The following BIRC6 variants were observed in gnomAD, a reference collection of about 807,000 sequenced individuals.
The protein encoded by BIRC6 is dual E2 ubiquitin-conjugating enzyme/E3 ubiquitin-protein ligase BIRC6.
BIRC6 carries 98 observed loss-of-function variants against 503.3 expected under a neutral mutation model. That is an observed-to-expected ratio of 0.19 (90% CI 0.17 to 0.23). BIRC6 has a LOEUF of 0.23. Ranked by LOEUF, BIRC6 falls within the 10% of genes least tolerant of loss-of-function variation. The probability of loss-of-function intolerance (pLI) is 1.00; values close to 1 mark genes in which losing one functional copy is unlikely to be tolerated. For synonymous variants in BIRC6, 2,240 were observed against 2,078.7 expected, an observed-to-expected ratio of 1.08 and a Z score of -2.11; for missense variants, 5,360 against 5,806.0, an observed-to-expected ratio of 0.92 and a Z score of 2.50.
chr2:32,492,714 TA>T (rs1457476716), intron 44 of BIRC6, among the ~76,000 whole-genome samples: 2 of 152,154 alleles, frequency 1.3e-5, no homozygotes, highest in South Asian at 2.1e-4. Flanking sequence ...TAAAACTTTT[TA>T]AGTTACTGAA....
intron 11 of BIRC6, 38 bp from the exon 12 acceptor site, chr2:32,430,827 C>G: frequency 5.5e-4 from 147 of 266,750 alleles, no homozygotes; most frequent in Non-Finnish European, 7.5e-4. Context: ...TTTTTTTTTT[C>G]CACACCTATT....
chr2:32,426,697 CATTT>C (rs899328385), intron 10 of BIRC6, among the ~76,000 whole-genome samples: 3 of 152,176 alleles, frequency 2.0e-5, no homozygotes, highest in African/African-American at 7.2e-5. Context: ...ATGAGAAAAA[CATTT>C]ATTTATTATA....
chr2:32,515,649 T>G lies in BIRC6; in HGVS notation c.11228T>G (p.Leu3743Arg). The change falls in exon 55 of 74, where the codon CTT (leucine) becomes CGT (arginine). Residue 3743 changes from leucine (L) to arginine (R), a missense_variant. Leu to Arg is a moderately radical substitution (Grantham distance 102). Around this residue, in one of 16 missense-constraint regions of BIRC6, gnomAD observed 878 missense variants for 928.9 expected, o/e 0.95. Coordinates refer to ENST00000421745, the MANE Select transcript of BIRC6 (RefSeq NM_016252.4). ...AQQTSARSAS[L>R]SSAATTGLTT... Reference sequence around the variant, plus strand: ...CAGACCAGTGCAAGATCAGCTTCTCTTTCTTCAGCTGCTACAACAGGACTG... The same window carrying G: ...CAGACCAGTGCAAGATCAGCTTCTCGTTCTTCAGCTGCTACAACAGGACTG... 6.2e-7 allele frequency: 1 copy of G among 1,611,146 alleles called. No homozygotes were observed. Among genetic ancestry groups the G allele is most frequent in the Non-Finnish European group, 8.5e-7 (1 of 1,179,856 alleles).
intron 1 of BIRC6, among the ~76,000 whole-genome samples, chr2:32,362,046 T>C (rs2034176318): frequency 6.6e-6 from 1 of 152,202 alleles, no homozygotes; most frequent in South Asian, 2.1e-4. Context: ...TTTGGGTAAA[T>C]ACTAAGGAGC....
intron 65 of BIRC6, among the ~76,000 whole-genome samples, chr2:32,555,914 C>CAAAA (rs372061622): frequency 2.3e-5 from 2 of 86,066 alleles, no homozygotes; most frequent in Admixed American, 1.2e-4. Context: ...GACCCTATCT[C>CAAAA]AAAAAAAAAA....
Position 32,547,794 on chromosome 2 carries a change from T to C in BIRC6, c.12811-56T>C, listed in dbSNP as rs573729562. 1.2e-4 allele frequency: 169 copies of C among 1,378,296 alleles called. 3 individuals are homozygous for C. In the South Asian group the frequency reaches 2.5e-3, roughly 20 times the overall value. 85.4% of individuals were successfully genotyped at this position (1,378,296 alleles called of 1,614,324 possible). A position where few individuals can be genotyped will look rare whatever the true frequency, so the allele number is the denominator to read the frequency against. On this transcript the variant is annotated intron_variant, in intron 63 of 73. Transcript: ENST00000421745. ...ATTTTACTTTCCCAGTGATAAATAT[T>C]TTTGAAGATAAGCAAAAACAAATTG...
chr2:32,530,078 A>G (rs540445702), intron 60 of BIRC6, among the ~76,000 whole-genome samples: 5 of 152,182 alleles, frequency 3.3e-5, no homozygotes, highest in Non-Finnish European at 7.3e-5. Context: ...GAGCTATGTG[A>G]ATTGTCATTT....
At chr2:32,504,767 A>G (rs1339067705) in intron 49 of BIRC6, among the ~76,000 whole-genome samples, 3 of 152,204 alleles carry the variant, frequency 2.0e-5, no homozygotes, top group Non-Finnish European at 2.9e-5. Flanking sequence ...TTCGTGTATC[A>G]TATGAGTACA....
chr2:32,504,878 C>T lies in BIRC6; in HGVS notation c.9500-127C>T, dbSNP rs747394306. 5 of 817,628 alleles carry T rather than the reference C, an allele frequency of 6.1e-6. No individual in the cohort carries two copies. In the Middle Eastern group the frequency reaches 1.1e-3, roughly 181 times the overall value. The allele number at this position is 817,628 out of a possible 1,614,324, so 50.6% of individuals were successfully genotyped here. A position where few individuals can be genotyped will look rare whatever the true frequency, so the allele number is the denominator to read the frequency against. On this transcript the variant is annotated intron_variant, in intron 49 of 73. Coordinates refer to ENST00000421745, the MANE Select transcript of BIRC6 (RefSeq NM_016252.4). The stretch of plus-strand genomic sequence containing the variant: ...ACGGTCATGCTTAGGATACTAAGTG[C>T]ATTACCAGCATCAATTGTTCATGTT...
intron 10 of BIRC6, among the ~76,000 whole-genome samples, chr2:32,420,523 A>AT (rs556847060): frequency 5.6e-4 from 85 of 151,406 alleles, no homozygotes; most frequent in Non-Finnish European, 8.6e-4. Context: ...TTTACTTTTT[A>AT]TTTTTTTTGA....
chr2:32,410,890 C>T (rs961502214), intron 9 of BIRC6, among the ~76,000 whole-genome samples: 1 of 151,934 alleles, frequency 6.6e-6, no homozygotes, highest in Non-Finnish European at 1.5e-5. Context: ...TTAGTAGAGA[C>T]GGGGTTTCGC....
chr2:32,396,696 G>C lies in BIRC6; in HGVS notation c.1034+1103G>C, dbSNP rs1051239019. Among the ~76,000 whole-genome samples the C allele has an allele frequency of 2.6e-5, 4 of 152,234 alleles. No homozygotes were observed. In the South Asian group the frequency reaches 6.2e-4, roughly 24 times the overall value. On this transcript the variant is annotated intron_variant, in intron 6 of 73. Transcript: ENST00000421745. Reference sequence around the variant, plus strand: ...ATAATTCATAAATTAAGCACAGAAAGAGATTAATAACAATAACTAATAAAA... The same window carrying C: ...ATAATTCATAAATTAAGCACAGAAACAGATTAATAACAATAACTAATAAAA...
intron 55 of BIRC6, among the ~76,000 whole-genome samples, chr2:32,516,814 T>C (rs559983105): frequency 3.9e-5 from 6 of 152,126 alleles, no homozygotes; most frequent in Non-Finnish European, 8.8e-5. Flanking sequence ...GTTAATCTTA[T>C]AACATGGGGC....
chr2:32,383,219 G>T (rs1372235386), intron 3 of BIRC6, among the ~76,000 whole-genome samples: 1 of 148,998 alleles, frequency 6.7e-6, no homozygotes, highest in Non-Finnish European at 1.5e-5. Flanking sequence ...GCTAACTTTT[G>T]TATTTTTAGT....
rs1188321505 is a variant in BIRC6 at position 32,597,759 on chromosome 2, G to A, written c.13621G>A (p.Glu4541Lys). The change falls in exon 69 of 74, where the codon GAA (glutamate) becomes AAA (lysine). Residue 4541 changes from glutamate (E) to lysine (K), a missense_variant. Physicochemically the swap from Glu to Lys is moderately conservative, Grantham distance 56 (BLOSUM62 1). Around this residue, in one of 16 missense-constraint regions of BIRC6, gnomAD observed 477 missense variants for 574.4 expected, o/e 0.83. Coordinates refer to ENST00000421745, the MANE Select transcript of BIRC6 (RefSeq NM_016252.4). Reference sequence around the variant, plus strand: ...TTTTCTTCTCCTTTTAGATACGTTTGAAATGGTTTCTGAAGATGAAGATGG... The same window carrying A: ...TTTTCTTCTCCTTTTAGATACGTTTAAAATGGTTTCTGAAGATGAAGATGG... ...VMKKLQFDTFEMVSEDEDGKL... is the reference protein window; with the variant it reads ...VMKKLQFDTFKMVSEDEDGKL... 5 of 1,610,492 alleles carry A rather than the reference G, an allele frequency of 3.1e-6. No homozygotes were observed. In the African/African-American group the frequency reaches 5.3e-5, roughly 17 times the overall value.
chr2:32,496,356 G>C (rs1247948937), intron 45 of BIRC6, among the ~76,000 whole-genome samples: 1 of 151,960 alleles, frequency 6.6e-6, no homozygotes, highest in Non-Finnish European at 1.5e-5. Context: ...CTCCTGAGTA[G>C]CTGGGATTAC....
chr2:32,384,735 C>T (rs2038192266), intron 3 of BIRC6, among the ~76,000 whole-genome samples: 1 of 152,154 alleles, frequency 6.6e-6, no homozygotes, highest in Non-Finnish European at 1.5e-5. Context: ...ATTTTTGGGC[C>T]TGTGCATAGC....
chr2:32,424,606 C>T (rs1211408216), intron 10 of BIRC6, among the ~76,000 whole-genome samples: 3 of 151,800 alleles, frequency 2.0e-5, no homozygotes, highest in Non-Finnish European at 4.4e-5. Flanking sequence ...CCTTTGCCTC[C>T]CCGGCTCTAG....
intron 1 of BIRC6, among the ~76,000 whole-genome samples, chr2:32,367,612 T>C (rs2035148870): frequency 6.6e-6 from 1 of 152,082 alleles, no homozygotes; most frequent in African/African-American, 2.4e-5. Context: ...GTTCAGGAGT[T>C]TGAGACCAGC....
Sources: gnomAD v4.1 joint callset for allele counts (sites outside exome capture counted in the v4.1 genomes callset) on GRCh38, gnomAD v4.1.1 for gene constraint, gnomAD v4.1.1 regional missense constraint, MANE v1.5 for transcripts, NCBI Gene and HGNC (gene_info 2026-07-23, HGNC 2026-07-21) for gene names.